Variants in RNF150 observed in about 807,000 individuals in gnomAD.
The protein encoded by RNF150 is ring finger protein 150.
Under a neutral mutation model 39.3 loss-of-function variants are expected in RNF150, and 24 were observed. The ratio of observed to expected loss-of-function variants is 0.61; its 90% CI spans 0.44 to 0.86. The LOEUF (loss-of-function observed/expected upper bound fraction) is 0.86, where lower values mean the gene tolerates loss of function less well. RNF150 is among the 40% of genes least tolerant of loss of function. The pLI is 0.00. For synonymous variants in RNF150, 255 were observed against 227.3 expected (o/e 1.12, Z -1.10); for missense variants, 502 against 587.8 (o/e 0.85, Z 1.51).
intron 1 of RNF150, among the ~76,000 whole-genome samples, chr4:141,161,949 C>T (rs1209941973): frequency 3.3e-5 from 5 of 152,184 alleles, no homozygotes; most frequent in Admixed American, 2.6e-4. Context: ...TTATGGAGAA[C>T]CTCTACTAGG....
chr4:141,133,961 C>T (rs1327374331), upstream of RNF150, among the ~76,000 whole-genome samples: 1 of 152,146 alleles, frequency 6.6e-6, no homozygotes, highest in East Asian at 1.9e-4. Flanking sequence ...TAACAAGTTC[C>T]CAGGTGGTGC....
Position 140,916,732 on chromosome 4 carries a change from C to T in RNF150, c.988-5378G>A, listed in dbSNP as rs573819680. On this transcript the variant is annotated intron_variant, in intron 5 of 6. Transcript: ENST00000515673. ...CCTCAAGAAGAGCAACTCCAAGACA[C>T]GTAATTGTCAGATTCACCAAAGTTG... is the stretch of plus-strand genomic sequence containing the variant. 3.9e-5 allele frequency among the ~76,000 whole-genome samples: 6 copies of T among 152,150 alleles called. No homozygotes were observed. The East Asian group carries it at 7.7e-4, about 20-fold the overall frequency.
chr4:141,117,049 G>A (rs1739571830), intron 1 of RNF150, among the ~76,000 whole-genome samples: 1 of 152,086 alleles, frequency 6.6e-6, no homozygotes, highest in African/African-American at 2.4e-5. Context: ...CTAATTAGAT[G>A]ATGGGTTGCT....
At chr4:140,946,355 ATTTTTG>A (rs1732310567) in intron 4 of RNF150, among the ~76,000 whole-genome samples, 1 of 152,068 alleles carries the variant, frequency 6.6e-6, no homozygotes, top group South Asian at 2.1e-4. Flanking sequence ...CTCTAAAGTA[ATTTTTG>A]TTTCTTTTGT....
intron 1 of RNF150, among the ~76,000 whole-genome samples, chr4:141,203,132 A>C (rs996879850): frequency 7.2e-6 from 1 of 139,718 alleles, no homozygotes; most frequent in Non-Finnish European, 1.5e-5. Flanking sequence ...TTGGAGATAT[A>C]TAATCTTGGA....
chr4:140,959,045 C>G (rs528424043), intron 2 of RNF150, among the ~76,000 whole-genome samples: 1 of 152,224 alleles, frequency 6.6e-6, no homozygotes, highest in South Asian at 2.1e-4. Flanking sequence ...CCTCAGCTTC[C>G]TCTCCCAACC....
At chr4:141,114,386 T>TA (rs1391515151) in intron 1 of RNF150, among the ~76,000 whole-genome samples, 3 of 152,106 alleles carry the variant, frequency 2.0e-5, no homozygotes, top group African/African-American at 7.2e-5. Flanking sequence ...TCTATGCAAA[T>TA]AAACTAGAAA....
intron 1 of RNF150, among the ~76,000 whole-genome samples, chr4:141,206,182 G>T (rs868195307): frequency 6.6e-6 from 1 of 152,026 alleles, no homozygotes; most frequent in Non-Finnish European, 1.5e-5. Flanking sequence ...CACTTTGGGA[G>T]GCCGAGGCAG....
At chr4:141,044,795 A>ACG (rs1560706723) in intron 1 of RNF150, among the ~76,000 whole-genome samples, 1 of 141,742 alleles carries the variant, frequency 7.1e-6, no homozygotes, top group African/African-American at 2.5e-5. Context: ...ACACACACAC[A>ACG]CACAATTCAT....
intron 6 of RNF150, among the ~76,000 whole-genome samples, chr4:140,906,341 A>G (rs905958136): frequency 2.0e-5 from 3 of 152,198 alleles, no homozygotes; most frequent in African/African-American, 7.2e-5. Context: ...TATACAAATA[A>G]AAATAATATA....
In RNF150 at chr4:140,866,038, G is replaced by A. The variant is rs1336442291; in HGVS notation, c.*2223C>T. 1 of 152,174 alleles carries A rather than the reference G, an allele frequency of 6.6e-6. No homozygotes were observed. Among genetic ancestry groups the A allele is most frequent in the Non-Finnish European group, 1.5e-5 (1 of 68,034 alleles). 9.4% of individuals were successfully genotyped at this position (152,174 alleles called of 1,614,324 possible). A position where few individuals can be genotyped will look rare whatever the true frequency, so the allele number is the denominator to read the frequency against. ...ATCAAGAATCCCACAGTGAGAGCTA[G>A]GATTTGAAGGTATCCAGAGATTGCA... On this transcript the variant is annotated 3_prime_UTR_variant, in exon 7 of 7. Coordinates refer to ENST00000515673, the MANE Select transcript of RNF150 (RefSeq NM_020724.2).
intron 5 of RNF150, among the ~76,000 whole-genome samples, chr4:140,917,039 G>T (rs1195856031): frequency 6.6e-6 from 1 of 152,146 alleles, no homozygotes; most frequent in Non-Finnish European, 1.5e-5. Context: ...GCTCCTGAAG[G>T]AAGCACTAAA....
At chr4:141,190,726 G>T (rs1728097578) in intron 1 of RNF150, among the ~76,000 whole-genome samples, 1 of 152,172 alleles carries the variant, frequency 6.6e-6, no homozygotes, top group South Asian at 2.1e-4. Context: ...TTGGACTGAA[G>T]TATTCATACA....
rs993217539 is a variant in RNF150 at position 140,989,362 on chromosome 4, T to A, written c.485-21489A>T. Among the ~76,000 whole-genome samples, 6 of 152,092 alleles carry A rather than the reference T, an allele frequency of 3.9e-5. No individual in the cohort carries two copies. In the South Asian group the frequency reaches 1.0e-3, roughly 26 times the overall value. ...AGCCGATCACCAAAGAGATGTCAGA[T>A]GTAGACAGTGCTGTGACGAGCTGCC... On this transcript the variant is annotated intron_variant, in intron 1 of 6. Coordinates refer to ENST00000515673, the MANE Select transcript of RNF150 (RefSeq NM_020724.2).
intron 1 of RNF150, among the ~76,000 whole-genome samples, chr4:141,107,133 G>A (rs1416453905): frequency 6.6e-5 from 10 of 152,088 alleles, no homozygotes; most frequent in Admixed American, 6.6e-4. Flanking sequence ...AATTTAAAGT[G>A]ATCTCTACCA....
chr4:141,066,975 T>C (rs1337581202), intron 1 of RNF150, among the ~76,000 whole-genome samples: 2 of 152,136 alleles, frequency 1.3e-5, no homozygotes, highest in Non-Finnish European at 2.9e-5. Context: ...CCAACCTGTA[T>C]AACATGTTAC....
chr4:141,012,781 C>CAAAAAA lies in RNF150; in HGVS notation c.485-44914_485-44909dup, dbSNP rs397995597. 4.5e-3 allele frequency among the ~76,000 whole-genome samples: 320 copies of CAAAAAA among 71,402 alleles called. 29 individuals carry two copies. Among genetic ancestry groups the CAAAAAA allele is most frequent in the African/African-American group, 0.015 (283 of 19,116 alleles). 46.8% of individuals were successfully genotyped at this position (71,402 alleles called of 152,430 possible). A position where few individuals can be genotyped will look rare whatever the true frequency, so the allele number is the denominator to read the frequency against. ...CTGGTGACAGAGTAAGACTCTGTCT[C>CAAAAAA]AAAAAAAAAAAAAAAAAAAAAGGCA... is the stretch of plus-strand genomic sequence containing the variant. On this transcript the variant is annotated intron_variant, in intron 1 of 6. Coordinates refer to ENST00000515673, the MANE Select transcript of RNF150 (RefSeq NM_020724.2).
At chr4:141,032,724 T>C (rs914123602) in intron 1 of RNF150, among the ~76,000 whole-genome samples, 4 of 151,898 alleles carry the variant, frequency 2.6e-5, no homozygotes, top group African/African-American at 9.7e-5. Context: ...TCAGAGATAC[T>C]GTGGATTCAG....
chr4:141,104,512 T>G (rs1739132570), intron 1 of RNF150, among the ~76,000 whole-genome samples: 1 of 152,176 alleles, frequency 6.6e-6, no homozygotes, highest in Non-Finnish European at 1.5e-5. Flanking sequence ...TGACTAGATT[T>G]TACCTTTGCA....
Sources: allele counts gnomAD v4.1 joint callset (sites outside exome capture counted in the v4.1 genomes callset), GRCh38; gene constraint gnomAD v4.1.1; transcripts MANE v1.5; gene names NCBI Gene and HGNC (gene_info 2026-07-23, HGNC 2026-07-21).